FILIP1L: variants seen among roughly 807,000 people sequenced by gnomAD.
FILIP1L encodes filamin A-interacting protein 1-like.
FILIP1L carries 55 observed loss-of-function variants against 96.6 expected under a neutral mutation model. That is an observed-to-expected ratio of 0.57 (90% CI 0.46 to 0.71). The LOEUF is 0.71. FILIP1L is among the 30% of genes least tolerant of loss of function. FILIP1L has a pLI of 0.00. For missense variants in FILIP1L, 1,304 were observed against 1,321.2 expected (o/e 0.99, Z 0.20); for synonymous variants, 467 against 473.9 (o/e 0.99, Z 0.19).
chr3:99,984,648 A>G (rs536501349), intron 1 of FILIP1L, among the ~76,000 whole-genome samples: 17 of 152,258 alleles, frequency 1.1e-4, no homozygotes, highest in South Asian at 8.3e-4. Context: ...CCTTTGCCAA[A>G]TCTACCAAGC....
At chr3:100,073,637 C>A (rs2065798322) in intron 1 of FILIP1L, among the ~76,000 whole-genome samples, 1 of 152,072 alleles carries the variant, frequency 6.6e-6, no homozygotes, top group African/African-American at 2.4e-5. Flanking sequence ...TCAAAGAAGG[C>A]CAGGAAGTTT....
chr3:99,948,174 A>C (rs533042887), intron 1 of FILIP1L, among the ~76,000 whole-genome samples: 1 of 152,312 alleles, frequency 6.6e-6, no homozygotes, highest in African/African-American at 2.4e-5. Context: ...ACAGTATACC[A>C]AAAACTAAAA....
intron 4 of FILIP1L, among the ~76,000 whole-genome samples, chr3:99,888,216 C>T (rs1325667729): frequency 6.6e-6 from 1 of 152,020 alleles, no homozygotes; most frequent in Non-Finnish European, 1.5e-5. Flanking sequence ...ATTAGAATAG[C>T]TGTCAGAGGG....
chr3:99,901,478 C>G (rs1379402414), intron 4 of FILIP1L, among the ~76,000 whole-genome samples: 2 of 152,146 alleles, frequency 1.3e-5, no homozygotes, highest in African/African-American at 4.8e-5. Context: ...AACAAAATGC[C>G]TCAGAATGAA....
chr3:99,957,071 T>C (rs1436412813), intron 1 of FILIP1L, among the ~76,000 whole-genome samples: 1 of 152,228 alleles, frequency 6.6e-6, no homozygotes, highest in Non-Finnish European at 1.5e-5. Flanking sequence ...CTCTTAACCC[T>C]GCTTAACATA....
chr3:100,109,358 C>G (rs953088915), intron 1 of FILIP1L, among the ~76,000 whole-genome samples: 11 of 152,100 alleles, frequency 7.2e-5, no homozygotes, highest in Non-Finnish European at 1.2e-4. Flanking sequence ...AAAATTACCT[C>G]TTATATAACG....
intron 4 of FILIP1L, among the ~76,000 whole-genome samples, chr3:99,855,272 C>T (rs981952795): frequency 1.3e-5 from 2 of 152,092 alleles, no homozygotes; most frequent in Non-Finnish European, 2.9e-5. Flanking sequence ...CAAAATGACT[C>T]AAAATGCATA....
At chr3:100,091,500 T>C (rs1488706729) in intron 1 of FILIP1L, among the ~76,000 whole-genome samples, 1 of 152,224 alleles carries the variant, frequency 6.6e-6, no homozygotes, top group East Asian at 1.9e-4. Context: ...TGCTGATAAA[T>C]GCTTTGCAGC....
intron 1 of FILIP1L, among the ~76,000 whole-genome samples, chr3:99,995,578 G>A (rs1199655081): frequency 2.0e-5 from 3 of 152,190 alleles, no homozygotes; most frequent in Non-Finnish European, 4.4e-5. Context: ...GAGCACATTT[G>A]CCTTCCACAC....
At position 99,862,485 on chromosome 3, in the gene FILIP1L, C is replaced by T. The variant is rs151038751; in HGVS notation, c.606-11415G>A. ...GTCATTTTAGGTCAGAGTTTCTCAG[C>T]CTTAGCATTGTTGACATTTTGGTTA... On this transcript the variant is annotated intron_variant, in intron 4 of 5. Transcript: ENST00000477258. 4.5e-3 allele frequency among the ~76,000 whole-genome samples: 686 copies of T among 152,292 alleles called. 7 individuals carry two copies. Among genetic ancestry groups the T allele is most frequent in the African/African-American group, 0.016 (672 of 41,558 alleles).
chr3:99,829,762 C>G lies in FILIP1L; in HGVS notation c.*652G>C, dbSNP rs74776825. 4.8e-3 allele frequency among the ~76,000 whole-genome samples: 728 copies of G among 152,262 alleles called. 10 individuals carry two copies. Among genetic ancestry groups the G allele is most frequent in the African/African-American group, 0.016 (668 of 41,542 alleles). On this transcript the variant is annotated 3_prime_UTR_variant, in exon 6 of 6. Coordinates refer to ENST00000477258, the MANE Select transcript of FILIP1L (RefSeq NM_001387850.1). ...TGATTCATGTCTCCCTAAAATATCT[C>G]AATGTTACTGAGACTAAGTGCCAGT...
chr3:100,037,036 C>T (rs968863397), intron 1 of FILIP1L, among the ~76,000 whole-genome samples: 3 of 152,092 alleles, frequency 2.0e-5, no homozygotes, highest in Non-Finnish European at 2.9e-5. Context: ...ACCAAAGAGA[C>T]ATAAAAACTA....
At chr3:100,063,739 G>A (rs1022704298) in intron 1 of FILIP1L, among the ~76,000 whole-genome samples, 2 of 151,940 alleles carry the variant, frequency 1.3e-5, no homozygotes, top group African/African-American at 4.8e-5. Flanking sequence ...AAGAAAAAAA[G>A]TCAACCTGAA....
chr3:99,921,025 C>A (rs1707108098), intron 4 of FILIP1L, among the ~76,000 whole-genome samples: 1 of 152,114 alleles, frequency 6.6e-6, no homozygotes, highest in Admixed American at 6.5e-5. Context: ...GTTATGATAT[C>A]TTTGTTTCAC....
intron 5 of FILIP1L, among the ~76,000 whole-genome samples, chr3:99,836,621 G>T (rs1322779332): frequency 6.6e-6 from 1 of 152,124 alleles, no homozygotes; most frequent in Non-Finnish European, 1.5e-5. Flanking sequence ...GATGAATTTT[G>T]TGGGACCCTA....
At chr3:99,961,992 C>T (rs941051003) in intron 1 of FILIP1L, among the ~76,000 whole-genome samples, 1 of 152,088 alleles carries the variant, frequency 6.6e-6, no homozygotes, top group Non-Finnish European at 1.5e-5. Flanking sequence ...TATAGGGGCC[C>T]CAAATTTAGC....
chr3:99,886,112 C>T (rs569185002), intron 4 of FILIP1L, among the ~76,000 whole-genome samples: 9 of 152,356 alleles, frequency 5.9e-5, no homozygotes, highest in Non-Finnish European at 1.0e-4. Flanking sequence ...TGTGTGCACA[C>T]GTGCACATGG....
At chr3:100,108,451 G>C (rs1046654463) in intron 1 of FILIP1L, among the ~76,000 whole-genome samples, 3 of 152,302 alleles carry the variant, frequency 2.0e-5, no homozygotes, top group African/African-American at 7.2e-5. Context: ...TGAGGCTTTA[G>C]AGGGTAACTT....
intron 1 of FILIP1L, among the ~76,000 whole-genome samples, chr3:100,062,090 CTTCTTTTTTTTTTTTTTT>C (rs1282189642): frequency 1.5e-5 from 1 of 67,880 alleles, no homozygotes; most frequent in Non-Finnish European, 2.8e-5. Flanking sequence ...ATCCTGTCTT[CTTCTTTTTTTTTTTTTTT>C]TTTTTTTTTT....
Sources: allele counts gnomAD v4.1 joint callset (sites outside exome capture counted in the v4.1 genomes callset), GRCh38; gene constraint gnomAD v4.1.1; transcripts MANE v1.5; gene names NCBI Gene and HGNC (gene_info 2026-07-23, HGNC 2026-07-21).